Variants in PLXDC2 observed in about 807,000 individuals in gnomAD.
The protein encoded by PLXDC2 is plexin domain containing 2.
A neutral mutation model predicts 68.9 loss-of-function variants in PLXDC2; 40 were observed. The ratio of observed to expected loss-of-function variants is 0.58; its 90% CI spans 0.45 to 0.76. PLXDC2 has a LOEUF of 0.76. PLXDC2 is among the 30% of genes least tolerant of loss of function. The probability of loss-of-function intolerance (pLI) is 0.00; values close to 1 mark genes in which losing one functional copy is unlikely to be tolerated. For synonymous variants in PLXDC2, 243 were observed against 234.2 expected (o/e 1.04, Z -0.34); for missense variants, 644 against 661.9 (o/e 0.97, Z 0.30).
intron 1 of PLXDC2, among the ~76,000 whole-genome samples, chr10:19,848,179 C>CT: frequency 6.6e-6 from 1 of 152,218 alleles, no homozygotes; most frequent in Admixed American, 6.5e-5. Flanking sequence ...TGTTCCCTGG[C>CT]TTTTTCAGTG....
intron 1 of PLXDC2, among the ~76,000 whole-genome samples, chr10:19,923,909 A>G (rs1333406029): frequency 6.6e-6 from 1 of 152,130 alleles, no homozygotes. Context: ...ACAAAAAAAT[A>G]CAAAAATTAG....
At chr10:20,054,913 T>C (rs1177914474) in intron 3 of PLXDC2, among the ~76,000 whole-genome samples, 2 of 152,158 alleles carry the variant, frequency 1.3e-5, no homozygotes, top group Admixed American at 6.6e-5. Flanking sequence ...TAGGTCTATA[T>C]ATTTCTATTT....
chr10:20,114,431 T>G (rs889853230), intron 4 of PLXDC2, among the ~76,000 whole-genome samples: 1 of 152,194 alleles, frequency 6.6e-6, no homozygotes, highest in Non-Finnish European at 1.5e-5. Context: ...AGACGCTGTG[T>G]TGAAATACAA....
chr10:20,207,287 G>A (rs868852095), intron 9 of PLXDC2, among the ~76,000 whole-genome samples: 13 of 151,750 alleles, frequency 8.6e-5, no homozygotes, highest in Middle Eastern at 3.4e-3. Context: ...CATAATTGGG[G>A]GATTAATTAA....
At chr10:20,253,433 A>G (rs755216908) in intron 13 of PLXDC2, among the ~76,000 whole-genome samples, 5 of 151,504 alleles carry the variant, frequency 3.3e-5, no homozygotes, top group African/African-American at 4.8e-5. Context: ...CACTCTCACC[A>G]TTCTTAAAGT....
At chr10:20,275,982 C>G (rs771090733) in intron 13 of PLXDC2, among the ~76,000 whole-genome samples, 7 of 151,968 alleles carry the variant, frequency 4.6e-5, no homozygotes, top group Admixed American at 6.6e-5. Flanking sequence ...AAACAATACT[C>G]TCGTTCATTT....
intron 1 of PLXDC2, among the ~76,000 whole-genome samples, chr10:19,909,384 G>A: frequency 6.6e-6 from 1 of 152,238 alleles, no homozygotes; most frequent in South Asian, 2.1e-4. Context: ...TACCACCTCA[G>A]CATTGCATTA....
chr10:20,157,182 G>A (rs1465512840), intron 6 of PLXDC2, among the ~76,000 whole-genome samples: 1 of 152,222 alleles, frequency 6.6e-6, no homozygotes, highest in African/African-American at 2.4e-5. Context: ...AGGGTTACAG[G>A]CAGATAAGAA....
intron 1 of PLXDC2, among the ~76,000 whole-genome samples, chr10:19,987,867 C>T (rs1834675654): frequency 2.0e-5 from 3 of 151,968 alleles, no homozygotes; most frequent in African/African-American, 4.8e-5. Flanking sequence ...CGCGCCCAGC[C>T]GATGTTATTT....
At chr10:20,082,059 A>C (rs1027668458) in intron 4 of PLXDC2, among the ~76,000 whole-genome samples, 3 of 135,206 alleles carry the variant, frequency 2.2e-5, no homozygotes, top group Non-Finnish European at 3.2e-5. Context: ...AAAAAAAAAA[A>C]AAATCAAAAA....
At chr10:19,822,562 A>T (rs570968968) in intron 1 of PLXDC2, among the ~76,000 whole-genome samples, 2 of 152,046 alleles carry the variant, frequency 1.3e-5, no homozygotes, top group Non-Finnish European at 2.9e-5. Flanking sequence ...TGTTCTTTTT[A>T]TGGCTCTACC....
At chr10:20,015,924 A>C (rs1835202476) in intron 2 of PLXDC2, among the ~76,000 whole-genome samples, 1 of 152,180 alleles carries the variant, frequency 6.6e-6, no homozygotes, top group Non-Finnish European at 1.5e-5. Flanking sequence ...TCTTTTTACT[A>C]AGAACTCATA....
chr10:19,987,556 TG>T (rs1321924103), intron 1 of PLXDC2, among the ~76,000 whole-genome samples: 1,917 of 81,862 alleles, frequency 0.023, 71 homozygotes, highest in East Asian at 0.21. Flanking sequence ...TATTTGGTTT[TG>T]TTTTGTTTTT....
intron 2 of PLXDC2, among the ~76,000 whole-genome samples, chr10:20,023,076 A>G (rs868811214): frequency 1.0e-3 from 149 of 148,244 alleles, no homozygotes; most frequent in African/African-American, 3.4e-3. Context: ...AATGGCATTT[A>G]AATATATATA....
intron 9 of PLXDC2, among the ~76,000 whole-genome samples, chr10:20,205,355 A>T (rs537088295): frequency 1.3e-5 from 2 of 152,154 alleles, no homozygotes; most frequent in African/African-American, 4.8e-5. Flanking sequence ...AATAATTTGG[A>T]CATAAAAACA....
At chr10:20,061,079 C>T (rs1000788273) in intron 3 of PLXDC2, among the ~76,000 whole-genome samples, 9 of 152,136 alleles carry the variant, frequency 5.9e-5, no homozygotes, top group African/African-American at 2.2e-4. Flanking sequence ...TCACCTAGTG[C>T]CATAAATTTT....
At chr10:20,230,707 A>AAAAAAAAAAAAAC (rs1564361132) in intron 12 of PLXDC2, among the ~76,000 whole-genome samples, 4 of 149,522 alleles carry the variant, frequency 2.7e-5, no homozygotes, top group Non-Finnish European at 3.0e-5. Flanking sequence ...AAAAAAAAAA[A>AAAAAAAAAAAAAC]AAAAAAACAG....
chr10:19,965,924 C>T (rs1179734572), intron 1 of PLXDC2, among the ~76,000 whole-genome samples: 1 of 152,040 alleles, frequency 6.6e-6, no homozygotes, highest in Non-Finnish European at 1.5e-5. Context: ...TTAACAAGAT[C>T]TCAGTCTCAA....
intron 13 of PLXDC2, among the ~76,000 whole-genome samples, chr10:20,259,020 AAAG>A (rs1288227550): frequency 6.9e-4 from 104 of 151,158 alleles, no homozygotes; most frequent in African/African-American, 2.5e-3. Flanking sequence ...AAAAAAAAAA[AAAG>A]AAAAGAAAGG....
Sources: allele counts gnomAD v4.1 joint callset (sites outside exome capture counted in the v4.1 genomes callset), GRCh38; gene constraint gnomAD v4.1.1; transcripts MANE v1.5; gene names NCBI Gene and HGNC (gene_info 2026-07-23, HGNC 2026-07-21).